Variants in ADAM18 observed in about 807,000 individuals in gnomAD.
ADAM18 encodes ADAM metallopeptidase domain 18.
In ADAM18, 117 loss-of-function variants were observed where a neutral mutation model predicts 94.4. That is an observed-to-expected ratio of 1.24 (90% CI 1.07 to 1.45). The LOEUF (loss-of-function observed/expected upper bound fraction) is 1.45, where lower values mean the gene tolerates loss of function less well. Ranked by LOEUF, ADAM18 falls within the 40% of genes most tolerant of loss-of-function variation. ADAM18 has a pLI of 0.00. For missense variants in ADAM18, 936 were observed against 880.0 expected (o/e 1.06, Z -0.81); for synonymous variants, 327 against 291.6 (o/e 1.12, Z -1.24).
chr8:39,682,813 G>A (rs942846005), intron 16 of ADAM18, among the ~76,000 whole-genome samples: 1 of 152,190 alleles, frequency 6.6e-6, no homozygotes, highest in African/African-American at 2.4e-5. Context: ...AGCTAACTCA[G>A]ATGAAGAAAT....
intron 12 of ADAM18, among the ~76,000 whole-genome samples, chr8:39,654,260 C>A (rs1241123873): frequency 1.3e-5 from 2 of 150,222 alleles, no homozygotes; most frequent in East Asian, 2.0e-4. Context: ...CAGGTTCACG[C>A]GATTCTCCTG....
At chr8:39,590,737 A>G (rs1818547626) in intron 2 of ADAM18, among the ~76,000 whole-genome samples, 1 of 152,210 alleles carries the variant, frequency 6.6e-6, no homozygotes, top group African/African-American at 2.4e-5. Flanking sequence ...ACATTGATAA[A>G]TAATACATAT....
intron 17 of ADAM18, among the ~76,000 whole-genome samples, chr8:39,697,951 G>A (rs1821971147): frequency 6.6e-6 from 1 of 151,784 alleles, no homozygotes; most frequent in Admixed American, 6.6e-5. Flanking sequence ...AACTTACAGA[G>A]CTACTGGATT....
chr8:39,595,077 T>A (rs1818701744), intron 2 of ADAM18, among the ~76,000 whole-genome samples: 1 of 152,126 alleles, frequency 6.6e-6, no homozygotes, highest in Admixed American at 6.6e-5. Context: ...GCTCTGTGCA[T>A]TTTTTATCAT....
chr8:39,640,522 A>G (rs1035538651), intron 10 of ADAM18, among the ~76,000 whole-genome samples: 1 of 152,130 alleles, frequency 6.6e-6, no homozygotes, highest in African/African-American at 2.4e-5. Flanking sequence ...AGAATGATTT[A>G]TATTCCTTTG....
intron 2 of ADAM18, among the ~76,000 whole-genome samples, 159 bp from the exon 3 acceptor site, chr8:39,606,148 T>C (rs1001516655): frequency 1.1e-4 from 16 of 152,170 alleles, no homozygotes; most frequent in Admixed American, 1.3e-4. Context: ...TGTTCCTGAA[T>C]TTATTAAGAT....
At chr8:39,724,629 AG>A (rs1822849965) in intron 19 of ADAM18, among the ~76,000 whole-genome samples, 1 of 151,320 alleles carries the variant, frequency 6.6e-6, no homozygotes, top group Non-Finnish European at 1.5e-5. Context: ...TTCTTTTTCT[AG>A]TAGTTGTAAG....
intron 2 of ADAM18, among the ~76,000 whole-genome samples, chr8:39,594,318 G>A (rs1325152694): frequency 6.6e-6 from 1 of 152,108 alleles, no homozygotes; most frequent in Non-Finnish European, 1.5e-5. Context: ...AGAAATAAGT[G>A]TAATAATTTT....
intron 17 of ADAM18, among the ~76,000 whole-genome samples, chr8:39,702,752 A>G (rs534753199): frequency 2.0e-5 from 3 of 151,976 alleles, no homozygotes; most frequent in Admixed American, 1.3e-4. Context: ...TCCACTCCCC[A>G]TTGTTTGTTT....
chr8:39,709,853 T>C (rs896028241), intron 18 of ADAM18, among the ~76,000 whole-genome samples: 1 of 152,228 alleles, frequency 6.6e-6, no homozygotes, highest in Non-Finnish European at 1.5e-5. Context: ...TAAAGGCATG[T>C]TGATCAATGT....
intron 1 of ADAM18, 89 bp from the exon 2 acceptor site, chr8:39,585,187 C>T (rs1818362488): frequency 1.0e-6 from 1 of 975,284 alleles, no homozygotes; most frequent in African/African-American, 1.7e-5. Flanking sequence ...TTAGGCGCCA[C>T]CATGCAGTCC....
At chr8:39,619,309 T>C (rs1477095243) in intron 6 of ADAM18, among the ~76,000 whole-genome samples, 2 of 152,054 alleles carry the variant, frequency 1.3e-5, no homozygotes, top group East Asian at 3.9e-4. Flanking sequence ...CTACTCAAGA[T>C]AAAAGCGACC....
chr8:39,707,013 C>T lies in ADAM18; in HGVS notation c.2017+109C>T, dbSNP rs961131538. 1.6e-4 allele frequency: 97 copies of T among 618,706 alleles called. 1 individual carries two copies. The allele number at this position is 618,706 out of a possible 1,614,324, so 38.3% of individuals were successfully genotyped here. The stretch of plus-strand genomic sequence containing the variant: ...GTAGCTTCATCTACATTGCAGCAGT[C>T]CCTCCTTATTTGTGGGGGATACATT... On this transcript the variant is annotated intron_variant, in intron 18 of 19. Transcript: ENST00000265707.
chr8:39,691,649 G>A (rs1247728423), intron 16 of ADAM18, among the ~76,000 whole-genome samples: 1 of 151,958 alleles, frequency 6.6e-6, no homozygotes, highest in Non-Finnish European at 1.5e-5. Context: ...ATTATTTAGT[G>A]ATAAACAAAT....
chr8:39,725,572 AG>A (rs1822880502), intron 19 of ADAM18, among the ~76,000 whole-genome samples: 3 of 152,148 alleles, frequency 2.0e-5, no homozygotes, highest in African/African-American at 7.2e-5. Flanking sequence ...GTCCACATAT[AG>A]TTAAGATCAT....
In ADAM18 at chr8:39,615,106, C is replaced by G. The variant is rs186398743; in HGVS notation, c.522+4400C>G. On this transcript the variant is annotated intron_variant, in intron 6 of 19. Transcript: ENST00000265707. ...TAAACTCAGCATTTGACCAAATGGA[C>G]CTAACATACATCTACAAAACACTCC... is the stretch of plus-strand genomic sequence containing the variant. 5.9e-5 allele frequency among the ~76,000 whole-genome samples: 9 copies of G among 152,000 alleles called. No individual in the cohort carries two copies. In the East Asian group the frequency reaches 1.7e-3, roughly 29 times the overall value.
intron 16 of ADAM18, among the ~76,000 whole-genome samples, chr8:39,684,350 G>A (rs894963552): frequency 2.4e-4 from 36 of 151,906 alleles, no homozygotes; most frequent in Middle Eastern, 3.4e-3. Context: ...CTACCCCCTA[G>A]GAATTGTTTA....
intron 14 of ADAM18, among the ~76,000 whole-genome samples, chr8:39,675,941 G>T (rs1358755233): frequency 6.6e-6 from 1 of 152,160 alleles, no homozygotes; most frequent in Non-Finnish European, 1.5e-5. Flanking sequence ...TGTTTCCCTG[G>T]GTATCACCAG....
At chr8:39,658,807 T>C (rs1431448966) in intron 12 of ADAM18, among the ~76,000 whole-genome samples, 3 of 152,006 alleles carry the variant, frequency 2.0e-5, no homozygotes, top group African/African-American at 7.2e-5. Context: ...TTAGGGAGGG[T>C]TGAAAATGGA....
Sources: gnomAD v4.1 joint callset for allele counts (sites outside exome capture counted in the v4.1 genomes callset) on GRCh38, gnomAD v4.1.1 for gene constraint, MANE v1.5 for transcripts, NCBI Gene and HGNC (gene_info 2026-07-23, HGNC 2026-07-21) for gene names.